INO80: variants seen among roughly 807,000 people sequenced by gnomAD.
The protein encoded by INO80 is chromatin-remodeling ATPase INO80.
INO80 carries 20 observed loss-of-function variants against 203.4 expected under a neutral mutation model. That is an observed-to-expected ratio of 0.10 (90% confidence interval 0.07 to 0.14). The LOEUF is 0.14. Among genes scored for constraint, INO80 ranks in the 10% least tolerant of loss-of-function variants. The pLI is 1.00. For missense variants in INO80, 1,419 were observed against 1,914.4 expected (o/e 0.74, Z 4.83); for synonymous variants, 726 against 685.2 (o/e 1.06, Z -0.93).
chr15:40,979,081 GATTTAA>G lies in INO80; in HGVS notation c.*1136_*1141del, dbSNP rs1893710168. The G allele has an allele frequency of 6.6e-6, 1 of 152,586 alleles. No homozygotes were observed. Among genetic ancestry groups the G allele is most frequent in the South Asian group, 2.1e-4 (1 of 4,824 alleles). 9.5% of individuals were successfully genotyped at this position (152,586 alleles called of 1,614,324 possible). A position where few individuals can be genotyped will look rare whatever the true frequency, so the allele number is the denominator to read the frequency against. On this transcript the variant is annotated 3_prime_UTR_variant, in exon 36 of 36. Transcript: ENST00000648947. ...TGGGTTTGAGCAGGGGAATCTTAAT[GATTTAA>G]ATTAAATGATTCCCCTATACCCCCT...
At chr15:41,045,120 G>A (rs2044732916) in intron 23 of INO80, 45 bp from the exon 24 acceptor site, 1 of 1,482,902 alleles carries the variant, frequency 6.7e-7, no homozygotes, top group Non-Finnish European at 9.0e-7. Flanking sequence ...GCTCCATGGA[G>A]GTTTGAGGGT....
chr15:41,048,398 T>C, intron 21 of INO80, 122 bp from the exon 22 acceptor site: 2 of 694,660 alleles, frequency 2.9e-6, no homozygotes, highest in Non-Finnish European at 5.0e-6. Context: ...TTTTAAGAAG[T>C]TTCTTGCCAT....
intron 26 of INO80, among the ~76,000 whole-genome samples, chr15:41,020,324 G>C (rs989698320): frequency 1.3e-5 from 2 of 152,164 alleles, no homozygotes; most frequent in African/African-American, 4.8e-5. Context: ...TGTAAGCAAA[G>C]AACGTGAGCC....
chr15:41,109,894 T>C (rs2045934525), intron 1 of INO80, among the ~76,000 whole-genome samples: 1 of 149,796 alleles, frequency 6.7e-6, no homozygotes, highest in South Asian at 2.1e-4. Flanking sequence ...ATAGTACCAC[T>C]GCACTCCAGC....
intron 18 of INO80, 139 bp from the exon 19 acceptor site, chr15:41,054,153 T>C (rs2044940675): frequency 1.6e-6 from 1 of 632,332 alleles, no homozygotes; most frequent in Non-Finnish European, 2.7e-6. Flanking sequence ...ACTGAAACTT[T>C]TTCCCAAGTA....
intron 28 of INO80, among the ~76,000 whole-genome samples, chr15:40,999,020 A>ACACACACACACACACACACACAC (rs57822538): frequency 1.3e-5 from 2 of 151,506 alleles, no homozygotes; most frequent in African/African-American, 4.9e-5. Context: ...ACACACACAC[A>ACACACACACACACACACACACAC]AATAAGGGCT....
chr15:40,988,945 G>C (rs1269569057), intron 29 of INO80, among the ~76,000 whole-genome samples: 1 of 152,078 alleles, frequency 6.6e-6, no homozygotes, highest in African/African-American at 2.4e-5. Flanking sequence ...AACCTGGGAG[G>C]CAGAGGTTGC....
intron 17 of INO80, 33 bp from the exon 18 acceptor site, chr15:41,055,397 G>C (rs1389579589): frequency 1.4e-6 from 2 of 1,424,056 alleles, no homozygotes; most frequent in African/African-American, 1.4e-5. Context: ...AATAGCTATA[G>C]AGCAATAAAA....
intron 1 of INO80, among the ~76,000 whole-genome samples, chr15:41,113,631 G>C (rs1281173143): frequency 6.6e-6 from 1 of 151,974 alleles, no homozygotes; most frequent in Non-Finnish European, 1.5e-5. Context: ...TTTGTTTTTA[G>C]AGACAGGGTC....
intron 14 of INO80, among the ~76,000 whole-genome samples, chr15:41,064,590 A>G (rs771459128): frequency 6.6e-6 from 1 of 152,204 alleles, no homozygotes; most frequent in Non-Finnish European, 1.5e-5. Context: ...TATATGACAC[A>G]TCAAACCTTT....
chr15:41,062,632 C>T (rs776695578), intron 14 of INO80, among the ~76,000 whole-genome samples: 1 of 152,134 alleles, frequency 6.6e-6, no homozygotes, highest in Non-Finnish European at 1.5e-5. Flanking sequence ...TCCAATGCAA[C>T]AGTACTGAGA....
intron 16 of INO80, 88 bp downstream of exon 16, chr15:41,058,551 C>CTGTG (rs371784387): frequency 5.8e-5 from 51 of 872,514 alleles, no homozygotes; most frequent in Non-Finnish European, 7.5e-5. Flanking sequence ...ATATACAAGT[C>CTGTG]TGTGTGTGTG....
intron 28 of INO80, chr15:41,004,956 AGGTGGAAGTG>A (rs2140437903): frequency 6.6e-6 from 1 of 152,032 alleles, no homozygotes; most frequent in East Asian, 1.9e-4. Context: ...GCACTTTGGG[AGGTGGAAGTG>A]GGTGGATCAC....
chr15:41,058,574 T>A, intron 16 of INO80, 65 bp downstream of exon 16: 2 of 734,134 alleles, frequency 2.7e-6, no homozygotes, highest in Non-Finnish European at 4.2e-6. Flanking sequence ...TGTGTGCGTG[T>A]GTGTGTGTGT....
intron 11 of INO80, among the ~76,000 whole-genome samples, chr15:41,072,828 T>G (rs941732625): frequency 1.3e-5 from 2 of 151,574 alleles, no homozygotes; most frequent in Admixed American, 1.3e-4. Flanking sequence ...TCGCCCAGGC[T>G]GGAGTGCAGT....
intron 24 of INO80, among the ~76,000 whole-genome samples, chr15:41,029,649 G>T (rs887400528): frequency 1.3e-5 from 2 of 152,160 alleles, no homozygotes; most frequent in African/African-American, 4.8e-5. Flanking sequence ...TTCCCATCTT[G>T]ATTTTGGGTA....
chr15:41,031,204 A>G (rs1236980389), intron 24 of INO80, among the ~76,000 whole-genome samples: 1 of 152,100 alleles, frequency 6.6e-6, no homozygotes, highest in African/African-American at 2.4e-5. Flanking sequence ...CTGGTTTAGT[A>G]TATGTGAACC....
At chr15:41,042,305 C>A (rs550358385) in intron 24 of INO80, among the ~76,000 whole-genome samples, 1 of 152,082 alleles carries the variant, frequency 6.6e-6, no homozygotes. Context: ...TAAGCCACCA[C>A]GCCCCACCTA....
intron 1 of INO80, among the ~76,000 whole-genome samples, chr15:41,096,974 C>T (rs1322245738): frequency 2.0e-5 from 3 of 152,192 alleles, no homozygotes; most frequent in African/African-American, 7.2e-5. Flanking sequence ...ATAGCCTAAG[C>T]ATTCTCTTTG....
Sources: allele counts gnomAD v4.1 joint callset (sites outside exome capture counted in the v4.1 genomes callset), GRCh38; gene constraint gnomAD v4.1.1; transcripts MANE v1.5; gene names NCBI Gene and HGNC (gene_info 2026-07-23, HGNC 2026-07-21).